The following MMS22L variants were observed in gnomAD, a reference collection of about 807,000 sequenced individuals.
MMS22L encodes the protein protein MMS22-like.
Under a neutral mutation model 159.1 loss-of-function variants are expected in MMS22L, and 74 were observed. That is an observed-to-expected ratio of 0.47 (90% CI 0.39 to 0.56). The LOEUF (loss-of-function observed/expected upper bound fraction) is 0.56. Ranked by LOEUF, MMS22L falls within the 20% of genes least tolerant of loss-of-function variation. The pLI is 0.00. For synonymous variants in MMS22L, 517 were observed against 506.9 expected, an observed-to-expected ratio of 1.02 and a Z score of -0.27; for missense variants, 1,351 against 1,422.1, an observed-to-expected ratio of 0.95 and a Z score of 0.80.
At chr6:97,148,161 G>A (rs768839799) in intron 24 of MMS22L, among the ~76,000 whole-genome samples, 3 of 152,030 alleles carry the variant, frequency 2.0e-5, no homozygotes, top group Non-Finnish European at 2.9e-5. Flanking sequence ...TGCCTTACTC[G>A]TGTTGTTTGT....
intron 11 of MMS22L, among the ~76,000 whole-genome samples, chr6:97,235,080 C>A (rs1009037208): frequency 2.0e-5 from 3 of 152,108 alleles, no homozygotes; most frequent in Non-Finnish European, 4.4e-5. Context: ...AAAAACACTG[C>A]TCTGGATTAT....
Position 97,149,819 on chromosome 6 carries a change from G to GC in MMS22L, c.3650+33dup, listed in dbSNP as rs374480118. 9.8e-4 allele frequency: 1,466 copies of GC among 1,500,172 alleles called. 1 individual carries two copies. The highest frequency in any genetic ancestry group is 4.2e-3 in the Admixed American group (195 of 46,810). The allele number at this position is 1,500,172 out of a possible 1,614,324, so 92.9% of individuals were successfully genotyped here. ...ATGAAATATAAATTTTATAATCACT[G>GC]CCCCCCCCAATGTAATTAAATTATC... On this transcript the variant is annotated intron_variant, in intron 24 of 24. Transcript: ENST00000683635.
intron 14 of MMS22L, among the ~76,000 whole-genome samples, chr6:97,222,248 A>C (rs912250447): frequency 6.6e-6 from 1 of 152,044 alleles, no homozygotes. Flanking sequence ...CAAACACTTC[A>C]AATGTCAAAA....
rs148147378 is a variant in MMS22L, at chr6:97,202,926, T to C, written c.2040-16236A>G. On this transcript the variant is annotated intron_variant, in intron 14 of 24. Transcript: ENST00000683635. ...TTAAGATGACTACTGGTCATTAATG[T>C]TGGCAGTTGAGTTCTTTTCCTTAAG... Among the ~76,000 whole-genome samples, 58 of 152,340 alleles carry C rather than the reference T, an allele frequency of 3.8e-4. No individual in the cohort carries two copies. The East Asian group carries it at 0.01, about 27-fold the overall frequency.
chr6:97,251,067 G>C (rs1021926987), intron 10 of MMS22L, among the ~76,000 whole-genome samples: 3 of 152,104 alleles, frequency 2.0e-5, no homozygotes, highest in Admixed American at 2.0e-4. Flanking sequence ...TTATGTTCAT[G>C]GATTAGAATG....
chr6:97,217,193 G>C (rs1387327681), intron 14 of MMS22L, among the ~76,000 whole-genome samples: 1 of 151,992 alleles, frequency 6.6e-6, no homozygotes, highest in Non-Finnish European at 1.5e-5. Context: ...TATGCTTCTT[G>C]AAAGTAGGAG....
chr6:97,244,466 A>C (rs927591637), intron 11 of MMS22L, among the ~76,000 whole-genome samples: 3 of 152,212 alleles, frequency 2.0e-5, no homozygotes, highest in African/African-American at 4.8e-5. Context: ...AAGCAGATTA[A>C]CATTTGAGTC....
At chr6:97,244,572 G>A (rs1359339678) in intron 11 of MMS22L, among the ~76,000 whole-genome samples, 1 of 152,188 alleles carries the variant, frequency 6.6e-6, no homozygotes. Context: ...AGAAGAACAT[G>A]AAAAGACTAG....
chr6:97,262,926 T>C (rs1393191507), intron 9 of MMS22L, among the ~76,000 whole-genome samples: 2 of 152,326 alleles, frequency 1.3e-5, no homozygotes, highest in East Asian at 3.9e-4. Context: ...TCTGCTTCTC[T>C]TCCTCCCTCC....
At chr6:97,151,915 C>G in intron 22 of MMS22L, 48 bp from the exon 23 acceptor site, 1 of 1,406,620 alleles carries the variant, frequency 7.1e-7, no homozygotes, top group Non-Finnish European at 1.0e-6. Flanking sequence ...AATTGACCAT[C>G]TGGATCCTCA....
At chr6:97,245,555 T>C (rs897450863) in intron 11 of MMS22L, among the ~76,000 whole-genome samples, 2 of 152,078 alleles carry the variant, frequency 1.3e-5, no homozygotes, top group Non-Finnish European at 2.9e-5. Context: ...TAAATCAATA[T>C]GTTCTCAAAA....
rs373429932 is a variant in MMS22L at position 97,275,717 on chromosome 6, G to A, written c.341-2655C>T. Among the ~76,000 whole-genome samples the A allele has an allele frequency of 8.5e-4, 129 of 152,314 alleles. 1 individual carries two copies. The highest frequency in any genetic ancestry group is 2.9e-3 in the African/African-American group (119 of 41,572). ...ACACCAACAATTATATTTAAGAATA[G>A]CTCTTGGCTGAGTGTGGTGGGTGAT... On this transcript the variant is annotated intron_variant, in intron 4 of 24. Coordinates refer to ENST00000683635, the MANE Select transcript of MMS22L (RefSeq NM_001350599.2).
rs555920888 is a variant in MMS22L, at chr6:97,211,409, TTC to T, written c.2039+17483_2039+17484del. On this transcript the variant is annotated intron_variant, in intron 14 of 24. Transcript: ENST00000683635. ...TAAGAGGGTATCAGAACAATCCACATTCTGTGTTATAGGCTTTTCAAAGCAAA... is the reference window on the plus strand; with the variant it reads ...TAAGAGGGTATCAGAACAATCCACATTGTGTTATAGGCTTTTCAAAGCAAA... Among the ~76,000 whole-genome samples, 36 of 152,228 alleles carry T rather than the reference TTC, an allele frequency of 2.4e-4. No homozygotes were observed. In the South Asian group the frequency reaches 2.5e-3, roughly 11 times the overall value.
At chr6:97,181,400 A>T (rs1804692700) in intron 16 of MMS22L, among the ~76,000 whole-genome samples, 1 of 152,078 alleles carries the variant, frequency 6.6e-6, no homozygotes, top group Non-Finnish European at 1.5e-5. Context: ...ATGTGGCAGG[A>T]AATACTTATA....
At chr6:97,283,982 G>A (rs1245849047), upstream of MMS22L, among the ~76,000 whole-genome samples, 1 of 152,016 alleles carries the variant, frequency 6.6e-6, no homozygotes, top group Non-Finnish European at 1.5e-5. Context: ...TAGAAAATAC[G>A]TTGAATTAAA....
intron 14 of MMS22L, among the ~76,000 whole-genome samples, chr6:97,187,525 T>C (rs1805380074): frequency 6.6e-6 from 1 of 152,184 alleles, no homozygotes; most frequent in South Asian, 2.1e-4. Flanking sequence ...CTGTTTATAT[T>C]ACTGCCAGAT....
intron 14 of MMS22L, among the ~76,000 whole-genome samples, chr6:97,214,907 C>T (rs1320237761): frequency 6.6e-6 from 1 of 150,490 alleles, no homozygotes; most frequent in African/African-American, 2.4e-5. Flanking sequence ...GAAAAAAATA[C>T]GTAATTAAGA....
intron 14 of MMS22L, among the ~76,000 whole-genome samples, chr6:97,226,845 T>C (rs1810315081): frequency 6.6e-6 from 1 of 152,054 alleles, no homozygotes; most frequent in Admixed American, 6.6e-5. Context: ...TTGTAGGAGT[T>C]GTCTTGAGCA....
chr6:97,268,613 T>A (rs1023866492), intron 7 of MMS22L, among the ~76,000 whole-genome samples: 2 of 152,250 alleles, frequency 1.3e-5, no homozygotes, highest in East Asian at 3.9e-4. Context: ...AAAATCTTCA[T>A]CCACATTTCT....
Sources: gnomAD v4.1 joint callset for allele counts (sites outside exome capture counted in the v4.1 genomes callset) on GRCh38, gnomAD v4.1.1 for gene constraint, MANE v1.5 for transcripts, NCBI Gene and HGNC (gene_info 2026-07-23, HGNC 2026-07-21) for gene names.